The following TTC28 variants were observed in gnomAD, a reference collection of about 807,000 sequenced individuals.
TTC28 encodes tetratricopeptide repeat protein 28.
A neutral mutation model predicts 198.0 loss-of-function variants in TTC28; 61 were observed. The observed-to-expected ratio is 0.31, with a 90% CI of 0.25 to 0.38. The LOEUF (loss-of-function observed/expected upper bound fraction) is 0.38, where lower values mean the gene tolerates loss of function less well. Among genes scored for constraint, TTC28 ranks in the 10% least tolerant of loss-of-function variants. The pLI is 1.00. For missense variants in TTC28, 2,678 were observed against 3,164.0 expected (o/e 0.85, Z 3.69); for synonymous variants, 1,171 against 1,297.8 (o/e 0.90, Z 2.10).
chr22:28,527,468 T>C (rs895086538), intron 2 of TTC28, among the ~76,000 whole-genome samples: 3 of 152,156 alleles, frequency 2.0e-5, no homozygotes, highest in Admixed American at 6.5e-5. Context: ...GCAAACCAGT[T>C]CTGGCCTATG....
chr22:28,163,498 C>T lies in TTC28; in HGVS notation c.1035G>A (p.Lys345=), dbSNP rs1325842440. The T allele has an allele frequency of 1.5e-5, 24 of 1,551,796 alleles. 1 individual carries two copies. Among genetic ancestry groups the T allele is most frequent in the Non-Finnish European group, 1.9e-5 (22 of 1,147,016 alleles). ...ASHKQCVLLA[K]QSKDELSEAR... ...CTTCAGAAAGTTCATCTTTGGATTG[C>T]TTGGCAAGAAGAACACACTGTTTGT... The change falls in exon 6 of 23, where the codon AAG becomes AAA. Residue 345 remains lysine (K), a synonymous_variant. Coordinates refer to ENST00000397906, the MANE Select transcript of TTC28 (RefSeq NM_001145418.2).
At chr22:28,191,342 G>C (rs1924725479) in intron 5 of TTC28, among the ~76,000 whole-genome samples, 1 of 152,226 alleles carries the variant, frequency 6.6e-6, no homozygotes, top group South Asian at 2.1e-4. Context: ...AACAGCTCCA[G>C]TCTACAGCTC....
intron 2 of TTC28, among the ~76,000 whole-genome samples, chr22:28,543,557 G>A (rs1340448387): frequency 6.6e-6 from 1 of 150,566 alleles, no homozygotes; most frequent in African/African-American, 2.4e-5. Flanking sequence ...GAGGGAGGGA[G>A]GGAGAAGAGA....
At chr22:28,053,298 T>G (rs962582898) in intron 12 of TTC28, among the ~76,000 whole-genome samples, 1 of 152,188 alleles carries the variant, frequency 6.6e-6, no homozygotes, top group Non-Finnish European at 1.5e-5. Flanking sequence ...TTCAAATTAT[T>G]CTGTTGGTGG....
At chr22:28,191,096 G>A (rs1181928038) in intron 5 of TTC28, among the ~76,000 whole-genome samples, 1 of 152,010 alleles carries the variant, frequency 6.6e-6, no homozygotes, top group Non-Finnish European at 1.5e-5. Flanking sequence ...AGACCTCCTG[G>A]CATATTTCTT....
intron 15 of TTC28, chr22:27,999,562 A>C (rs1402366004): frequency 2.8e-6 from 1 of 362,146 alleles, no homozygotes; most frequent in Admixed American, 4.4e-5. Context: ...CGTGGAACCC[A>C]GGACAGCCAG....
At chr22:28,525,588 T>C (rs1479943859) in intron 2 of TTC28, among the ~76,000 whole-genome samples, 1 of 152,224 alleles carries the variant, frequency 6.6e-6, no homozygotes, top group Non-Finnish European at 1.5e-5. Context: ...TTAAGAGAAC[T>C]TCATTTTTTC....
intron 2 of TTC28, among the ~76,000 whole-genome samples, chr22:28,438,012 C>T (rs963503389): frequency 6.6e-6 from 1 of 152,134 alleles, no homozygotes; most frequent in East Asian, 1.9e-4. Flanking sequence ...GAACCAAAAC[C>T]TGGGTCTCTT....
At chr22:28,290,974 GA>G (rs966754947) in intron 5 of TTC28, among the ~76,000 whole-genome samples, 96 of 152,088 alleles carry the variant, frequency 6.3e-4, no homozygotes, top group African/African-American at 2.1e-3. Context: ...AAGTGTATAG[GA>G]AAAGAAAATC....
intron 6 of TTC28, among the ~76,000 whole-genome samples, 178 bp from the exon 7 acceptor site, chr22:28,108,581 T>G (rs1280621718): frequency 6.6e-6 from 1 of 151,068 alleles, no homozygotes; most frequent in Non-Finnish European, 1.5e-5. Flanking sequence ...ATAGCTTAAG[T>G]TTCAAAGCAA....
At chr22:28,347,978 C>T (rs1172202585) in intron 2 of TTC28, among the ~76,000 whole-genome samples, 3 of 152,224 alleles carry the variant, frequency 2.0e-5, no homozygotes, top group African/African-American at 7.2e-5. Flanking sequence ...CTGGTATCAA[C>T]CAATCAAAAC....
chr22:28,050,029 T>C (rs1940024443), intron 12 of TTC28, among the ~76,000 whole-genome samples: 2 of 152,102 alleles, frequency 1.3e-5, no homozygotes, highest in South Asian at 4.1e-4. Flanking sequence ...ATGGTCCTAC[T>C]TGCATATTAC....
intron 9 of TTC28, among the ~76,000 whole-genome samples, chr22:28,100,325 C>T (rs1462844858): frequency 6.6e-6 from 1 of 152,136 alleles, no homozygotes; most frequent in African/African-American, 2.4e-5. Flanking sequence ...TTCTTCCTCT[C>T]TATAAAGAGG....
At chr22:28,517,977 T>C (rs955213904) in intron 2 of TTC28, among the ~76,000 whole-genome samples, 2 of 152,156 alleles carry the variant, frequency 1.3e-5, no homozygotes, top group Non-Finnish European at 2.9e-5. Flanking sequence ...GGTCCCACTA[T>C]GTTGCCCAAG....
chr22:28,166,209 C>G (rs913718499), intron 5 of TTC28, among the ~76,000 whole-genome samples: 3 of 152,166 alleles, frequency 2.0e-5, no homozygotes, highest in Non-Finnish European at 4.4e-5. Context: ...GACTTTGACT[C>G]CCACTCAATA....
intron 2 of TTC28, among the ~76,000 whole-genome samples, chr22:28,624,251 G>C (rs1189162878): frequency 6.6e-6 from 1 of 152,024 alleles, no homozygotes; most frequent in East Asian, 1.9e-4. Flanking sequence ...GGTGGCAGGT[G>C]CCTGTAGCCC....
intron 2 of TTC28, among the ~76,000 whole-genome samples, chr22:28,567,395 A>G (rs1488212461): frequency 1.4e-5 from 2 of 146,338 alleles, no homozygotes; most frequent in Non-Finnish European, 3.0e-5. Context: ...TCTCAAAAAA[A>G]AAAAGAAAAA....
intron 20 of TTC28, among the ~76,000 whole-genome samples, chr22:27,990,575 C>T (rs948895452): frequency 2.0e-5 from 3 of 152,130 alleles, no homozygotes; most frequent in Admixed American, 6.5e-5. Context: ...AAATCAAGGA[C>T]GCAAGAAGGG....
intron 5 of TTC28, among the ~76,000 whole-genome samples, chr22:28,239,396 C>A (rs1399245810): frequency 6.6e-6 from 1 of 152,058 alleles, no homozygotes; most frequent in Non-Finnish European, 1.5e-5. Context: ...AGAAAAAAAG[C>A]TGGACAAAGT....
Sources: allele counts gnomAD v4.1 joint callset (sites outside exome capture counted in the v4.1 genomes callset), GRCh38; gene constraint gnomAD v4.1.1; transcripts MANE v1.5; gene names NCBI Gene and HGNC (gene_info 2026-07-23, HGNC 2026-07-21).